CACNA1H: variants seen among roughly 807,000 people sequenced by gnomAD.
CACNA1H encodes calcium voltage-gated channel subunit alpha1 H.
A neutral mutation model predicts 192.5 loss-of-function variants in CACNA1H; 149 were observed. That is an observed-to-expected ratio of 0.77 (90% CI 0.68 to 0.89). The LOEUF is 0.89. Among genes scored for constraint, CACNA1H ranks in the 40% least tolerant of loss-of-function variants. The probability of loss-of-function intolerance (pLI) is 0.00; values close to 1 mark genes in which losing one functional copy is unlikely to be tolerated. For synonymous variants in CACNA1H, 2,202 were observed against 1,475.2 expected (o/e 1.49, Z -11.29); for missense variants, 4,257 against 3,423.5 (o/e 1.24, Z -6.08).
At position 1,219,038 on chromosome 16, in the gene CACNA1H, T is replaced by A. The variant is rs1425495003; in HGVS notation, c.5956T>A (p.Ser1986Thr). The A allele has an allele frequency of 6.5e-7, 1 of 1,549,922 alleles. No homozygotes were observed. The highest frequency in any genetic ancestry group is 8.7e-7 in the Non-Finnish European group (1 of 1,146,670). Residue 1986 changes from serine to threonine, a missense_variant, in exon 34 of 35, where the codon TCG (serine) becomes ACG (threonine). Transcript: ENST00000348261. The stretch of plus-strand genomic sequence containing the variant: ...CTCCCTCCAGATCCCATTGGCTGTG[T>A]CGTCCCCAGCCAGGAGCGGCGAGCC... ...CASLQIPLAV[S>T]SPARSGEPLH...
At chr16:1,217,864 C>T (rs1970158931) in intron 31 of CACNA1H, 55 bp from the exon 32 acceptor site, 1 of 1,532,586 alleles carries the variant, frequency 6.5e-7, no homozygotes, top group Non-Finnish European at 8.8e-7. Flanking sequence ...GGGTGCATGT[C>T]CCGCCTCCAC....
At chr16:1,208,951 G>A (rs1969091526) in intron 16 of CACNA1H, 81 bp from the exon 17 acceptor site, 6 of 1,335,786 alleles carry the variant, frequency 4.5e-6, no homozygotes, top group South Asian at 1.8e-5. Context: ...CGTGTGGCTT[G>A]CACACAGTGG....
intron 27 of CACNA1H, 138 bp from the exon 28 acceptor site, chr16:1,214,834 G>T (rs1051866698): frequency 3.1e-6 from 2 of 642,184 alleles, no homozygotes; most frequent in Non-Finnish European, 5.6e-6. Flanking sequence ...GGCTCCCGGT[G>T]CCCAGGGAGG....
chr16:1,204,492 T>C (rs772611835), intron 10 of CACNA1H, 34 bp downstream of exon 10: 1 of 1,493,648 alleles, frequency 6.7e-7, no homozygotes, highest in Non-Finnish European at 9.0e-7. Flanking sequence ...GTGGGCTCCC[T>C]GTCAGGCTTG....
chr16:1,204,709 C>T (rs190383558), intron 10 of CACNA1H, among the ~76,000 whole-genome samples: 183 of 151,682 alleles, frequency 1.2e-3, no homozygotes, highest in Admixed American at 2.7e-3. Context: ...TGCTGCAGCC[C>T]TCTTGACCCT....
intron 2 of CACNA1H, among the ~76,000 whole-genome samples, chr16:1,171,692 C>A (rs1250884137): frequency 6.6e-6 from 1 of 152,184 alleles, no homozygotes; most frequent in African/African-American, 2.4e-5. Flanking sequence ...TGGGCCGTGC[C>A]TCGGCCCACA....
At chr16:1,155,278 C>T (rs918405401) in intron 2 of CACNA1H, among the ~76,000 whole-genome samples, 9 of 152,210 alleles carry the variant, frequency 5.9e-5, no homozygotes, top group African/African-American at 1.7e-4. Context: ...GCCCCACACC[C>T]GCTGCCCGGG....
At chr16:1,186,961 C>T (rs1020845927) in intron 2 of CACNA1H, among the ~76,000 whole-genome samples, 1 of 152,180 alleles carries the variant, frequency 6.6e-6, no homozygotes, top group Non-Finnish European at 1.5e-5. Context: ...TCTCCTGTAC[C>T]ACCCACTGAC....
chr16:1,206,559 C>T, intron 12 of CACNA1H: 1 of 506,598 alleles, frequency 2.0e-6, no homozygotes, highest in Non-Finnish European at 3.5e-6. Context: ...GAGCAGAATA[C>T]CGGGGGTGGG....
rs768668426 is a variant in CACNA1H at position 1,218,421 on chromosome 16, A to G, written c.5657A>G (p.Gln1886Arg). 10 of 1,554,214 alleles carry G rather than the reference A, an allele frequency of 6.4e-6. No homozygotes were observed. The highest frequency in any genetic ancestry group is 7.0e-6 in the Non-Finnish European group (8 of 1,149,550). ...LDAEIELEMA[Q>R]GPGSARRVDA... ...GCCGAGATCGAGCTGGAGATGGCGC[A>G]GGGCCCCGGGAGTGCACGCCGGGTG... Residue 1886 changes from glutamine (Q) to arginine (R), a missense_variant, in exon 33 of 35, where the codon CAG becomes CGG. Coordinates refer to ENST00000348261, the MANE Select transcript of CACNA1H (RefSeq NM_021098.3).
At chr16:1,206,554 GAA>G in intron 12 of CACNA1H, 1 of 522,366 alleles carries the variant, frequency 1.9e-6, no homozygotes. Context: ...CTCAAGAGCA[GAA>G]TACCGGGGGT....
At chr16:1,170,081 G>A (rs763807991) in intron 2 of CACNA1H, among the ~76,000 whole-genome samples, 9 of 152,174 alleles carry the variant, frequency 5.9e-5, no homozygotes, top group Admixed American at 2.6e-4. Context: ...TCTCCAGGGC[G>A]GCCTCCCGGC....
At position 1,168,231 on chromosome 16, in the gene CACNA1H, C is replaced by G. The variant is rs369363016; in HGVS notation, c.299+14195C>G. ...GTGACAGTTTCTGCCCAGCTCACCC[C>G]GATGAGCCCACCATGTCCAGTCTGT... On this transcript the variant is annotated intron_variant, in intron 2 of 34. Transcript: ENST00000348261. Among the ~76,000 whole-genome samples, 211 of 152,080 alleles carry G rather than the reference C, an allele frequency of 1.4e-3. 2 individuals carry two copies. The highest frequency in any genetic ancestry group is 1.9e-3 in the South Asian group (9 of 4,818).
At chr16:1,186,255 G>A (rs1202722724) in intron 2 of CACNA1H, among the ~76,000 whole-genome samples, 2 of 151,968 alleles carry the variant, frequency 1.3e-5, no homozygotes, top group African/African-American at 4.8e-5. Flanking sequence ...CCTTAGTGGT[G>A]TTTTGAATAA....
rs766428359 is a variant in CACNA1H at position 1,204,071 on chromosome 16, C to T, written c.2064C>T (p.Pro688=). The change falls in exon 10 of 35, where the codon CCC becomes CCT. Residue 688 remains proline (P), a synonymous_variant. Transcript: ENST00000348261. ...GLSVPCPLPS[P]PAGTLTCELK... ...GTGTGCCCTGCCCCCTGCCCAGCCC[C>T]CCAGCGGGCACACTGACCTGTGAGC... 1 of 1,603,170 alleles carries T rather than the reference C, an allele frequency of 6.2e-7. No individual in the cohort carries two copies. The highest frequency in any genetic ancestry group is 8.5e-7 in the Non-Finnish European group (1 of 1,175,792).
chr16:1,183,838 C>T (rs1195509736), intron 2 of CACNA1H, among the ~76,000 whole-genome samples: 4 of 152,246 alleles, frequency 2.6e-5, no homozygotes, highest in Non-Finnish European at 4.4e-5. Flanking sequence ...TGCTGGGAGA[C>T]TCCAAAGTCT....
At chr16:1,197,594 T>C (rs1567499838) in intron 5 of CACNA1H, among the ~76,000 whole-genome samples, 1 of 152,210 alleles carries the variant, frequency 6.6e-6, no homozygotes. Context: ...AGGGGTCCAC[T>C]CTGACCTCTG....
At chr16:1,192,932 G>A (rs962615341) in intron 2 of CACNA1H, among the ~76,000 whole-genome samples, 1 of 151,952 alleles carries the variant, frequency 6.6e-6, no homozygotes, top group African/African-American at 2.4e-5. Context: ...ACAGAAAGGC[G>A]GTCCGAGGCA....
chr16:1,174,572 C>G (rs1269923601), intron 2 of CACNA1H, among the ~76,000 whole-genome samples: 2 of 152,098 alleles, frequency 1.3e-5, no homozygotes. Flanking sequence ...GAAGCCCCTG[C>G]CACGCTCAGG....
Sources: allele counts gnomAD v4.1 joint callset (sites outside exome capture counted in the v4.1 genomes callset), GRCh38; gene constraint gnomAD v4.1.1; transcripts MANE v1.5; gene names NCBI Gene and HGNC (gene_info 2026-07-23, HGNC 2026-07-21).